DYNC2H1: variants seen among roughly 807,000 people sequenced by gnomAD.
The protein encoded by DYNC2H1 is cytoplasmic dynein 2 heavy chain 1.
In DYNC2H1, 410 loss-of-function variants were observed where a neutral mutation model predicts 570.0. That is an observed-to-expected ratio of 0.72 (90% confidence interval 0.66 to 0.78). The LOEUF (loss-of-function observed/expected upper bound fraction) is 0.78, where lower values mean the gene tolerates loss of function less well. DYNC2H1 is among the 30% of genes least tolerant of loss of function. The pLI is 0.00. For synonymous variants in DYNC2H1, 1,688 were observed against 1,677.6 expected (o/e 1.01, Z -0.15); for missense variants, 4,865 against 5,046.4 (o/e 0.96, Z 1.09).
chr11:103,425,766 A>T (rs887308453), intron 84 of DYNC2H1, among the ~76,000 whole-genome samples: 3 of 151,240 alleles, frequency 2.0e-5, no homozygotes, highest in Non-Finnish European at 4.4e-5. Context: ...GTTCAATCAC[A>T]TTACTGGATA....
chr11:103,155,079 A>G (rs934278438), intron 24 of DYNC2H1, among the ~76,000 whole-genome samples: 1 of 152,124 alleles, frequency 6.6e-6, no homozygotes, highest in Non-Finnish European at 1.5e-5. Context: ...AATAATAAAA[A>G]TAGAAATAGT....
chr11:103,230,710 G>A (rs1392738013), intron 59 of DYNC2H1, among the ~76,000 whole-genome samples: 2 of 151,734 alleles, frequency 1.3e-5, no homozygotes, highest in Admixed American at 6.6e-5. Context: ...GGCTTTTTGC[G>A]TTCCGGTATG....
chr11:103,312,766 G>GT (rs1276559445), intron 79 of DYNC2H1, among the ~76,000 whole-genome samples: 1 of 151,940 alleles, frequency 6.6e-6, no homozygotes, highest in Non-Finnish European at 1.5e-5. Flanking sequence ...TGAGTGTTAG[G>GT]TATCATTTTT....
intron 82 of DYNC2H1, among the ~76,000 whole-genome samples, chr11:103,328,818 C>T (rs1340784290): frequency 6.6e-6 from 1 of 152,162 alleles, no homozygotes. Context: ...ACACTCTTTT[C>T]CTCAACTTTT....
intron 83 of DYNC2H1, among the ~76,000 whole-genome samples, chr11:103,376,949 C>T (rs1244988930): frequency 2.0e-5 from 3 of 152,142 alleles, no homozygotes; most frequent in Non-Finnish European, 2.9e-5. Context: ...CTTTCTCTTC[C>T]TATTCTCTCC....
Position 103,241,563 on chromosome 11 carries a change from A to G in DYNC2H1, c.9820-2130A>G. On this transcript the variant is annotated intron_variant, in intron 63 of 88. Coordinates refer to ENST00000375735, the MANE Select transcript of DYNC2H1 (RefSeq NM_001377.3). The surrounding 1 kb of genome is among the most constrained non-coding windows in gnomAD (Gnocchi z 5.1). ...GAAATCATGGGTAAGAACTTTTTAAAAATTTAAAATAATTACTTTTGTAGT... is the reference window on the plus strand; with the variant it reads ...GAAATCATGGGTAAGAACTTTTTAAGAATTTAAAATAATTACTTTTGTAGT... The G allele has an allele frequency of 6.4e-7, 1 of 1,563,642 alleles. No homozygotes were observed. Among genetic ancestry groups the G allele is most frequent in the Non-Finnish European group, 8.8e-7 (1 of 1,142,562 alleles).
chr11:103,296,054 C>T (rs1189922878), intron 75 of DYNC2H1, among the ~76,000 whole-genome samples: 1 of 152,194 alleles, frequency 6.6e-6, no homozygotes, highest in Non-Finnish European at 1.5e-5. Context: ...CACAGATTCT[C>T]TCTGTGCTGT....
chr11:103,456,249 G>T, intron 86 of DYNC2H1, 26 bp from the exon 87 acceptor site: 1 of 1,564,594 alleles, frequency 6.4e-7, no homozygotes, highest in Non-Finnish European at 8.7e-7. Flanking sequence ...TTATTGATTT[G>T]TGACTTTGAT....
intron 75 of DYNC2H1, among the ~76,000 whole-genome samples, chr11:103,300,170 C>A (rs540666989): frequency 6.6e-6 from 1 of 151,866 alleles, no homozygotes; most frequent in African/African-American, 2.4e-5. Flanking sequence ...CTGCAAAGTA[C>A]GGGAGTCAAT....
In DYNC2H1 at chr11:103,249,839, C is replaced by T. The variant is rs1864762078; in HGVS notation, c.10043-3446C>T. 6.6e-6 allele frequency among the ~76,000 whole-genome samples: 1 copy of T among 151,978 alleles called. No homozygotes were observed. Among genetic ancestry groups the T allele is most frequent in the South Asian group, 2.1e-4 (1 of 4,826 alleles). On this transcript the variant is annotated intron_variant, in intron 65 of 88. Coordinates refer to ENST00000375735, the MANE Select transcript of DYNC2H1 (RefSeq NM_001377.3). This position sits in a 1 kb window ranked among gnomAD's most constrained non-coding sequence, Gnocchi z 4.6. ...CTTCTTTACCAATGATAGTTTAGTC[C>T]CACTCCATTTCTCTTACATATACAT... is the stretch of plus-strand genomic sequence containing the variant.
In DYNC2H1 at chr11:103,399,763, T is replaced by C; in HGVS notation, c.12257T>C (p.Leu4086Ser). The C allele has an allele frequency of 1.2e-6, 2 of 1,613,930 alleles. No individual in the cohort carries two copies. The highest frequency in any genetic ancestry group is 1.7e-6 in the Non-Finnish European group (2 of 1,179,844). ...IILEQFNAIR[L>S]VQSVHQSLAA... ...CTTGAACAATTTAATGCTATTCGTT[T>C]AGTACAAAGTGTCCACCAGTCTCTT... The change falls in exon 84 of 89, where the codon TTA (leucine) becomes TCA (serine). Residue 4086 changes from leucine to serine, a missense_variant. Leu to Ser is a moderately radical substitution (Grantham distance 145). This residue lies in a region of DYNC2H1 where 2,401 missense variants were observed against 2,454.6 expected (regional missense o/e 0.98). Transcript: ENST00000375735.
At chr11:103,414,951 C>T (rs1943226481) in intron 84 of DYNC2H1, among the ~76,000 whole-genome samples, 1 of 152,228 alleles carries the variant, frequency 6.6e-6, no homozygotes, top group African/African-American at 2.4e-5. Flanking sequence ...ATGAAAATGG[C>T]AGTACTTCCC....
At chr11:103,350,128 T>C (rs1011426451) in intron 82 of DYNC2H1, among the ~76,000 whole-genome samples, 3 of 152,134 alleles carry the variant, frequency 2.0e-5, no homozygotes, top group African/African-American at 7.2e-5. Flanking sequence ...TCATTGTACA[T>C]GGCCAAGCAT....
chr11:103,399,945 C>A, intron 84 of DYNC2H1, 73 bp downstream of exon 84: 2 of 1,293,126 alleles, frequency 1.5e-6, no homozygotes, highest in Non-Finnish European at 2.2e-6. Flanking sequence ...ATATATTTGT[C>A]AGGAATCATA....
At chr11:103,414,670 T>C (rs4393289) in intron 84 of DYNC2H1, among the ~76,000 whole-genome samples, 77,079 of 151,918 alleles carry the variant, frequency 0.51, 19,832 homozygotes, top group African/African-American at 0.6. Flanking sequence ...AGCTAATAAG[T>C]AACTTCAGCA....
chr11:103,272,550 T>A (rs1351058089), intron 70 of DYNC2H1, among the ~76,000 whole-genome samples: 1 of 152,212 alleles, frequency 6.6e-6, no homozygotes, highest in Non-Finnish European at 1.5e-5. Context: ...TGTGCAGATG[T>A]ACCCTAGAAC....
At chr11:103,456,416 T>C in intron 87 of DYNC2H1, 60 bp downstream of exon 87, 1 of 1,400,704 alleles carries the variant, frequency 7.1e-7, no homozygotes, top group Non-Finnish European at 9.8e-7. Flanking sequence ...TATAAGAGAT[T>C]CTGAAATTTT....
At chr11:103,426,521 T>C (rs1187244306) in intron 84 of DYNC2H1, among the ~76,000 whole-genome samples, 1 of 152,210 alleles carries the variant, frequency 6.6e-6, no homozygotes, top group Non-Finnish European at 1.5e-5. Flanking sequence ...TTTTTAGTTA[T>C]ATTTTTATTT....
In DYNC2H1 at chr11:103,244,731, T is replaced by G. The variant is rs1309804430; in HGVS notation, c.9919-520T>G. 6.7e-6 allele frequency among the ~76,000 whole-genome samples: 1 copy of G among 148,260 alleles called. No individual in the cohort carries two copies. The highest frequency in any genetic ancestry group is 1.5e-5 in the Non-Finnish European group (1 of 67,224). On this transcript the variant is annotated intron_variant, in intron 64 of 88. Transcript: ENST00000375735. The surrounding 1 kb of genome is among the most constrained non-coding windows in gnomAD (Gnocchi z 4.3). The stretch of plus-strand genomic sequence containing the variant: ...CTATACTATATATCTTATATACATA[T>G]AAGTATATAAATATACTATATATAT...
Sources: allele counts gnomAD v4.1 joint callset (sites outside exome capture counted in the v4.1 genomes callset), GRCh38; gene constraint gnomAD v4.1.1; regional missense constraint gnomAD v4.1.1; non-coding constraint Gnocchi (gnomAD v3.1); transcripts MANE v1.5; gene names NCBI Gene and HGNC (gene_info 2026-07-23, HGNC 2026-07-21).